The following SND1 variants were observed in gnomAD, a reference collection of about 807,000 sequenced individuals.
The protein encoded by SND1 is staphylococcal nuclease domain-containing protein 1.
SND1 carries 38 observed loss-of-function variants against 121.7 expected under a neutral mutation model. That is an observed-to-expected ratio of 0.31 (90% CI 0.24 to 0.41). SND1 has a LOEUF of 0.41. SND1 is among the 10% of genes least tolerant of loss of function. The pLI, the probability that SND1 is intolerant of heterozygous loss-of-function variation, is 1.00. For missense variants in SND1, 868 were observed against 1,184.6 expected (o/e 0.73, Z 3.92); for synonymous variants, 401 against 447.4 (o/e 0.90, Z 1.31).
At chr7:127,767,317 T>TG (rs1450458133) in intron 10 of SND1, among the ~76,000 whole-genome samples, 1 of 152,166 alleles carries the variant, frequency 6.6e-6, no homozygotes, top group Non-Finnish European at 1.5e-5. Context: ...GCTTGCATGG[T>TG]GGGGGCCCAG....
chr7:127,717,121 A>C (rs1479606520), intron 9 of SND1, among the ~76,000 whole-genome samples: 1 of 152,230 alleles, frequency 6.6e-6, no homozygotes, highest in East Asian at 1.9e-4. Flanking sequence ...CAGGTAGCAC[A>C]GAGTTCTTAT....
intron 9 of SND1, among the ~76,000 whole-genome samples, chr7:127,712,315 C>T (rs1474479552): frequency 2.0e-5 from 3 of 152,108 alleles, no homozygotes; most frequent in Non-Finnish European, 4.4e-5. Context: ...CACGCTAACA[C>T]ACCTGGCTAA....
chr7:127,968,687 C>T (rs1473588465), intron 15 of SND1, among the ~76,000 whole-genome samples: 1 of 152,218 alleles, frequency 6.6e-6, no homozygotes, highest in Non-Finnish European at 1.5e-5. Flanking sequence ...AAAGAGCACA[C>T]AGGATGCAAT....
intron 16 of SND1, among the ~76,000 whole-genome samples, chr7:128,060,873 G>C (rs1793219701): frequency 6.6e-6 from 1 of 152,140 alleles, no homozygotes; most frequent in Non-Finnish European, 1.5e-5. Context: ...GTGACTTCTG[G>C]GACATCTTAG....
intron 10 of SND1, among the ~76,000 whole-genome samples, chr7:127,770,385 T>G (rs1341288514): frequency 5.3e-5 from 8 of 152,190 alleles, no homozygotes; most frequent in Non-Finnish European, 1.5e-5. Context: ...AGGCTTGGAA[T>G]TACATAGCTT....
At chr7:127,923,345 A>G (rs1800759386) in intron 14 of SND1, among the ~76,000 whole-genome samples, 1 of 151,912 alleles carries the variant, frequency 6.6e-6, no homozygotes, top group Non-Finnish European at 1.5e-5. Flanking sequence ...TGTTTTTGTC[A>G]GTGTTCTCCT....
intron 15 of SND1, among the ~76,000 whole-genome samples, chr7:127,941,703 C>T (rs959816649): frequency 6.6e-6 from 1 of 152,164 alleles, no homozygotes; most frequent in Non-Finnish European, 1.5e-5. Flanking sequence ...TTAGCATTTG[C>T]ATTTTAAATT....
At chr7:128,010,902 AG>A (rs1803101172) in intron 16 of SND1, among the ~76,000 whole-genome samples, 1 of 152,186 alleles carries the variant, frequency 6.6e-6, no homozygotes, top group African/African-American at 2.4e-5. Context: ...CAGCTCACAA[AG>A]GGCCCTGTAG....
At chr7:127,673,827 C>T (rs1795567693) in intron 1 of SND1, among the ~76,000 whole-genome samples, 1 of 152,050 alleles carries the variant, frequency 6.6e-6, no homozygotes, top group African/African-American at 2.4e-5. Flanking sequence ...TAAGCTGGTT[C>T]TTATGTCGTT....
At chr7:127,961,173 A>G (rs1192212639) in intron 15 of SND1, among the ~76,000 whole-genome samples, 1 of 152,208 alleles carries the variant, frequency 6.6e-6, no homozygotes, top group Non-Finnish European at 1.5e-5. Flanking sequence ...ATTGTTACTA[A>G]ATGTATAAAT....
intron 15 of SND1, among the ~76,000 whole-genome samples, chr7:127,953,000 C>T (rs1801497065): frequency 6.6e-6 from 1 of 151,952 alleles, no homozygotes; most frequent in African/African-American, 2.4e-5. Flanking sequence ...CCCATCTCTA[C>T]AAAAAATTTA....
chr7:127,878,264 T>G (rs984169754), intron 12 of SND1, among the ~76,000 whole-genome samples: 1 of 152,200 alleles, frequency 6.6e-6, no homozygotes, highest in African/African-American at 2.4e-5. Flanking sequence ...CTCAGTTGTA[T>G]TTACGATCAC....
At chr7:128,040,243 T>A (rs963792307) in intron 16 of SND1, among the ~76,000 whole-genome samples, 8 of 151,866 alleles carry the variant, frequency 5.3e-5, no homozygotes, top group African/African-American at 1.9e-4. Context: ...GTGATTTTGT[T>A]TCCTTGAAAC....
At chr7:128,016,988 A>G (rs1402835131) in intron 16 of SND1, among the ~76,000 whole-genome samples, 1 of 152,252 alleles carries the variant, frequency 6.6e-6, no homozygotes, top group Non-Finnish European at 1.5e-5. Context: ...CTGAACTGAC[A>G]ATATTTGTCT....
At chr7:127,751,705 G>A (rs944233055) in intron 10 of SND1, among the ~76,000 whole-genome samples, 6 of 152,196 alleles carry the variant, frequency 3.9e-5, no homozygotes, top group Non-Finnish European at 8.8e-5. Context: ...CAAATCTGTG[G>A]GCTGGGCAGG....
chr7:127,809,612 G>A (rs1028021311), intron 11 of SND1, among the ~76,000 whole-genome samples: 4 of 152,180 alleles, frequency 2.6e-5, no homozygotes, highest in African/African-American at 7.2e-5. Flanking sequence ...GAGGCACCAC[G>A]AGGGAGCATG....
intron 12 of SND1, among the ~76,000 whole-genome samples, chr7:127,859,531 T>C (rs1799340972): frequency 6.6e-6 from 1 of 152,196 alleles, no homozygotes; most frequent in Non-Finnish European, 1.5e-5. Context: ...GGCCAGGTGA[T>C]ATGACACATT....
chr7:127,779,313 C>T (rs1797676284), intron 10 of SND1, among the ~76,000 whole-genome samples: 1 of 152,156 alleles, frequency 6.6e-6, no homozygotes, highest in African/African-American at 2.4e-5. Context: ...GTCCTAAATA[C>T]ATGTTTCCTT....
Position 127,916,951 on chromosome 7 carries a change from A to G in SND1, c.1527+12132A>G, listed in dbSNP as rs188752979. Among the ~76,000 whole-genome samples the G allele has an allele frequency of 3.3e-5, 5 of 152,320 alleles. No homozygotes were observed. In the East Asian group the frequency reaches 9.6e-4, roughly 29 times the overall value. ...ATACATGTACATAATGATGGCGTCT[A>G]TGTAGTTTTGAATGAGTGAGGAATC... On this transcript the variant is annotated intron_variant, in intron 14 of 23. Coordinates refer to ENST00000354725, the MANE Select transcript of SND1 (RefSeq NM_014390.4).
Sources: gnomAD v4.1 joint callset for allele counts (sites outside exome capture counted in the v4.1 genomes callset) on GRCh38, gnomAD v4.1.1 for gene constraint, MANE v1.5 for transcripts, NCBI Gene and HGNC (gene_info 2026-07-23, HGNC 2026-07-21) for gene names.